Variants in SLC24A2 observed in about 807,000 individuals in gnomAD.
SLC24A2 encodes sodium/potassium/calcium exchanger 2.
Under a neutral mutation model 62.0 loss-of-function variants are expected in SLC24A2, and 36 were observed. The ratio of observed to expected loss-of-function variants is 0.58; its 90% CI spans 0.44 to 0.77. SLC24A2 has a LOEUF of 0.77. Among genes scored for constraint, SLC24A2 ranks in the 30% least tolerant of loss-of-function variants. The pLI is 0.00. For synonymous variants in SLC24A2, 358 were observed against 294.0 expected, an observed-to-expected ratio of 1.22 and a Z score of -2.23; for missense variants, 846 against 817.9, an observed-to-expected ratio of 1.03 and a Z score of -0.42.
chr9:20,017,816 T>C, the SLC24A2 span, among the ~76,000 whole-genome samples: 2 of 152,334 alleles, frequency 1.3e-5, no homozygotes, highest in Admixed American at 6.5e-5. Flanking sequence ...ACTGATTTCA[T>C]GTTGGCAGCT....
At chr9:20,273,494 G>T in the SLC24A2 span, among the ~76,000 whole-genome samples, 54 of 152,124 alleles carry the variant, frequency 3.5e-4, no homozygotes, top group African/African-American at 1.3e-3. Flanking sequence ...AATCATGGAG[G>T]CGAGTCTTTC....
At chr9:20,078,144 T>C in the SLC24A2 span, among the ~76,000 whole-genome samples, 28 of 152,230 alleles carry the variant, frequency 1.8e-4, 1 homozygote, top group African/African-American at 6.0e-4. Flanking sequence ...TGCCCCTTTT[T>C]CTTGGAAGAG....
chr9:20,144,206 G>T, the SLC24A2 span, among the ~76,000 whole-genome samples: 1 of 152,278 alleles, frequency 6.6e-6, no homozygotes, highest in East Asian at 1.9e-4. Flanking sequence ...GGCTTTTTCT[G>T]TGAAATCACT....
At chr9:19,609,004 C>A (rs530411463) in intron 4 of SLC24A2, among the ~76,000 whole-genome samples, 2 of 152,306 alleles carry the variant, frequency 1.3e-5, no homozygotes, top group Admixed American at 1.3e-4. Context: ...CCTTCAAGAA[C>A]CTGCTTTCAA....
chr9:19,763,678 G>T (rs973860349), intron 2 of SLC24A2, among the ~76,000 whole-genome samples: 2 of 152,162 alleles, frequency 1.3e-5, no homozygotes, highest in Non-Finnish European at 1.5e-5. Flanking sequence ...GATCATGGTG[G>T]ATAAGCTTTT....
chr9:19,846,685 T>A, the SLC24A2 span, among the ~76,000 whole-genome samples: 1 of 152,176 alleles, frequency 6.6e-6, no homozygotes, highest in Admixed American at 6.5e-5. Flanking sequence ...GGGCTATGTA[T>A]TTAAGTGTGT....
the SLC24A2 span, among the ~76,000 whole-genome samples, chr9:20,128,008 A>G: frequency 3.9e-5 from 6 of 152,034 alleles, no homozygotes; most frequent in Middle Eastern, 3.2e-3. Context: ...CATTTCTACT[A>G]TGTAGGAATG....
chr9:19,880,002 T>TA, the SLC24A2 span, among the ~76,000 whole-genome samples: 2 of 152,090 alleles, frequency 1.3e-5, no homozygotes, highest in Admixed American at 6.6e-5. Flanking sequence ...CATGAAGAAG[T>TA]AAAAAAATAA....
At chr9:20,296,528 C>T in the SLC24A2 span, among the ~76,000 whole-genome samples, 1 of 152,178 alleles carries the variant, frequency 6.6e-6, no homozygotes, top group Admixed American at 6.5e-5. Flanking sequence ...GTTGAAACTT[C>T]CTCAGTAAAT....
At chr9:20,203,848 T>C in the SLC24A2 span, among the ~76,000 whole-genome samples, 1 of 152,200 alleles carries the variant, frequency 6.6e-6, no homozygotes. Flanking sequence ...CTATGGTATA[T>C]GCATATCAGC....
intron 2 of SLC24A2, among the ~76,000 whole-genome samples, chr9:19,692,729 A>G (rs1409865982): frequency 3.3e-5 from 5 of 152,144 alleles, no homozygotes; most frequent in Non-Finnish European, 7.4e-5. Context: ...TTCCTCCACC[A>G]AATGTAAGCT....
the SLC24A2 span, among the ~76,000 whole-genome samples, chr9:20,028,155 G>C: frequency 2.0e-5 from 3 of 152,110 alleles, no homozygotes; most frequent in Non-Finnish European, 4.4e-5. Context: ...CCTGCCAGCT[G>C]GTATTCAATT....
At chr9:19,530,078 CTTTTTTTT>C (rs11365952) in intron 8 of SLC24A2, among the ~76,000 whole-genome samples, 1 of 124,932 alleles carries the variant, frequency 8.0e-6, no homozygotes, top group Non-Finnish European at 1.7e-5. Flanking sequence ...ATAAAAGCAG[CTTTTTTTT>C]TTTTTTTTTT....
chr9:19,640,527 A>T (rs1220142137), intron 2 of SLC24A2, among the ~76,000 whole-genome samples: 1 of 152,238 alleles, frequency 6.6e-6, no homozygotes, highest in Non-Finnish European at 1.5e-5. Context: ...CAAGGATGAG[A>T]TGAATGTCTC....
At position 19,711,070 on chromosome 9, in the gene SLC24A2, A is replaced by G. The variant is rs2015685; in HGVS notation, c.930+74867T>C. 2.0e-3 allele frequency among the ~76,000 whole-genome samples: 302 copies of G among 152,378 alleles called. 2 individuals are homozygous for G. Among genetic ancestry groups the G allele is most frequent in the African/African-American group, 6.8e-3 (284 of 41,596 alleles). Reference sequence around the variant, plus strand: ...AAAAATATTTTCTAGAAGCAAAATAACTGTGTGCTTAGCAGTTCTGTAAGT... The same window carrying G: ...AAAAATATTTTCTAGAAGCAAAATAGCTGTGTGCTTAGCAGTTCTGTAAGT... On this transcript the variant is annotated intron_variant, in intron 2 of 10. Coordinates refer to ENST00000341998, the MANE Select transcript of SLC24A2 (RefSeq NM_020344.4).
chr9:19,564,267 A>G (rs1172190247), intron 7 of SLC24A2, among the ~76,000 whole-genome samples: 4 of 152,146 alleles, frequency 2.6e-5, no homozygotes, highest in African/African-American at 9.7e-5. Flanking sequence ...ACTCACTTCC[A>G]TCATGTTTCC....
chr9:19,517,359 G>A (rs931594219), intron 10 of SLC24A2, among the ~76,000 whole-genome samples: 10 of 152,156 alleles, frequency 6.6e-5, no homozygotes, highest in East Asian at 5.8e-4. Flanking sequence ...AGCTAAGGGA[G>A]GTTCAGTTTT....
the SLC24A2 span, among the ~76,000 whole-genome samples, chr9:20,164,461 G>A: frequency 6.1e-4 from 92 of 151,852 alleles, no homozygotes; most frequent in South Asian, 3.6e-3. Context: ...TTAGAATGGC[G>A]ATCATTAAAA....
intron 8 of SLC24A2, among the ~76,000 whole-genome samples, chr9:19,543,946 C>G (rs1834414518): frequency 6.6e-6 from 1 of 152,166 alleles, no homozygotes; most frequent in African/African-American, 2.4e-5. Context: ...TTTATTAGGT[C>G]TGCTTGTTCC....
Sources: gnomAD v4.1 joint callset for allele counts (sites outside exome capture counted in the v4.1 genomes callset) on GRCh38, gnomAD v4.1.1 for gene constraint, MANE v1.5 for transcripts, NCBI Gene and HGNC (gene_info 2026-07-23, HGNC 2026-07-21) for gene names.